The following TMEM135 variants were observed in gnomAD, a reference collection of about 807,000 sequenced individuals.
TMEM135 encodes peroxisomal membrane protein 52.
A neutral mutation model predicts 60.3 loss-of-function variants in TMEM135; 30 were observed. That is an observed-to-expected ratio of 0.50 (90% CI 0.37 to 0.68). TMEM135 has a LOEUF of 0.68. TMEM135 is among the 30% of genes least tolerant of loss of function. The pLI is 0.00. For synonymous variants in TMEM135, 190 were observed against 186.7 expected (o/e 1.02, Z -0.14); for missense variants, 468 against 548.8 (o/e 0.85, Z 1.47).
intron 4 of TMEM135, among the ~76,000 whole-genome samples, chr11:87,100,511 A>G (rs1417524812): frequency 6.6e-6 from 1 of 152,236 alleles, no homozygotes; most frequent in East Asian, 1.9e-4. Context: ...ACATCCAACA[A>G]TAAAATTTCT....
chr11:87,216,213 A>G (rs1940496791), intron 5 of TMEM135, among the ~76,000 whole-genome samples: 1 of 152,218 alleles, frequency 6.6e-6, no homozygotes, highest in Non-Finnish European at 1.5e-5. Flanking sequence ...GGGGGACTAC[A>G]GTCTTTTTGA....
At position 87,182,843 on chromosome 11, in the gene TMEM135, A is replaced by C. The variant is rs187128870; in HGVS notation, c.462+25437A>C. ...TTTTCTCTTGAATATTTACTGCTAA[A>C]TATTTTAAATGTGATTTTCTTTGTG... is the stretch of plus-strand genomic sequence containing the variant. On this transcript the variant is annotated intron_variant, in intron 5 of 14. Coordinates refer to ENST00000305494, the MANE Select transcript of TMEM135 (RefSeq NM_022918.4). Among the ~76,000 whole-genome samples, 282 of 152,188 alleles carry C rather than the reference A, an allele frequency of 1.9e-3. 4 individuals carry two copies. Among genetic ancestry groups the C allele is most frequent in the African/African-American group, 6.4e-3 (265 of 41,564 alleles).
intron 5 of TMEM135, among the ~76,000 whole-genome samples, chr11:87,222,217 C>A (rs1327882878): frequency 3.4e-5 from 5 of 145,020 alleles, no homozygotes; most frequent in South Asian, 2.2e-4. Context: ...TATTGCTGGT[C>A]CGGGCATGGT....
At chr11:87,099,642 C>T (rs1359506063) in intron 4 of TMEM135, among the ~76,000 whole-genome samples, 2 of 145,326 alleles carry the variant, frequency 1.4e-5, no homozygotes, top group Non-Finnish European at 3.0e-5. Context: ...CCCATTAGTG[C>T]AGTTGCTGGG....
At chr11:87,062,190 G>C (rs943603738) in intron 1 of TMEM135, among the ~76,000 whole-genome samples, 2 of 151,408 alleles carry the variant, frequency 1.3e-5, no homozygotes, top group African/African-American at 4.9e-5. Context: ...ATTTTTAGTA[G>C]AGATGGTATT....
At chr11:87,247,250 C>T (rs145520369) in intron 6 of TMEM135, among the ~76,000 whole-genome samples, 5,534 of 152,218 alleles carry the variant, frequency 0.036, 136 homozygotes, top group Non-Finnish European at 0.049. Flanking sequence ...TGTGAGGTGT[C>T]GGTCTGCCCC....
intron 4 of TMEM135, among the ~76,000 whole-genome samples, chr11:87,097,876 A>C (rs1663682293): frequency 6.6e-6 from 1 of 152,150 alleles, no homozygotes; most frequent in Non-Finnish European, 1.5e-5. Flanking sequence ...GTCACCCTTC[A>C]TGTAACTTAT....
chr11:87,206,339 A>G (rs913106015), intron 5 of TMEM135, among the ~76,000 whole-genome samples: 21 of 152,194 alleles, frequency 1.4e-4, no homozygotes, highest in African/African-American at 4.3e-4. Flanking sequence ...CATATATAAC[A>G]TGTTATAATT....
chr11:87,197,666 T>A (rs1333372812), intron 5 of TMEM135, among the ~76,000 whole-genome samples: 1 of 150,138 alleles, frequency 6.7e-6, no homozygotes, highest in Non-Finnish European at 1.5e-5. Flanking sequence ...AAAAAAAAAA[T>A]GTCACTTGAG....
intron 1 of TMEM135, among the ~76,000 whole-genome samples, chr11:87,064,669 G>A (rs939040285): frequency 6.6e-6 from 1 of 152,180 alleles, no homozygotes; most frequent in African/African-American, 2.4e-5. Flanking sequence ...GATCGCCTGA[G>A]ATCAGGAGTT....
chr11:87,119,806 A>G (rs997577461), intron 4 of TMEM135, among the ~76,000 whole-genome samples: 1 of 152,234 alleles, frequency 6.6e-6, no homozygotes, highest in African/African-American at 2.4e-5. Context: ...TGATTCAGAG[A>G]CAAAGTGAGC....
chr11:87,064,434 G>A (rs1406977943), intron 1 of TMEM135, among the ~76,000 whole-genome samples: 1 of 151,988 alleles, frequency 6.6e-6, no homozygotes, highest in East Asian at 1.9e-4. Flanking sequence ...CAAAAATACT[G>A]CCATTGATAC....
intron 6 of TMEM135, among the ~76,000 whole-genome samples, chr11:87,241,771 T>A (rs1941140216): frequency 6.6e-6 from 1 of 152,040 alleles, no homozygotes; most frequent in Non-Finnish European, 1.5e-5. Flanking sequence ...ATGTGATTTT[T>A]CTCTTTGTTT....
intron 1 of TMEM135, 31 bp downstream of exon 1, chr11:87,038,217 G>A: frequency 6.2e-7 from 1 of 1,610,712 alleles, no homozygotes; most frequent in Non-Finnish European, 8.5e-7. Flanking sequence ...CGCAGGGCGA[G>A]TTTAGTCTGG....
chr11:87,159,143 AGGT>A (rs1342114877), intron 5 of TMEM135, among the ~76,000 whole-genome samples: 3 of 152,196 alleles, frequency 2.0e-5, no homozygotes, highest in Admixed American at 2.0e-4. Context: ...ACTAATTATT[AGGT>A]GTTGTTCCAT....
chr11:87,305,710 G>C (rs901657887), intron 8 of TMEM135, among the ~76,000 whole-genome samples: 1 of 152,098 alleles, frequency 6.6e-6, no homozygotes, highest in African/African-American at 2.4e-5. Context: ...GGAGGCAGAG[G>C]TTGCAGTGAG....
intron 4 of TMEM135, among the ~76,000 whole-genome samples, chr11:87,112,370 C>T (rs1156255035): frequency 7.4e-6 from 1 of 135,298 alleles, no homozygotes; most frequent in Non-Finnish European, 1.6e-5. Context: ...CCTAAAAAAT[C>T]GCTCACTGTT....
At chr11:87,181,904 G>A (rs1939525001) in intron 5 of TMEM135, among the ~76,000 whole-genome samples, 1 of 151,096 alleles carries the variant, frequency 6.6e-6, no homozygotes, top group Non-Finnish European at 1.5e-5. Flanking sequence ...ATTGTAGTTT[G>A]TGTTTCTGTA....
At chr11:87,177,509 T>C (rs1295069829) in intron 5 of TMEM135, among the ~76,000 whole-genome samples, 2 of 152,204 alleles carry the variant, frequency 1.3e-5, no homozygotes, top group African/African-American at 2.4e-5. Context: ...CCATAAGTTA[T>C]ACTCACTGAA....
Sources: gnomAD v4.1 joint callset for allele counts (sites outside exome capture counted in the v4.1 genomes callset) on GRCh38, gnomAD v4.1.1 for gene constraint, MANE v1.5 for transcripts, NCBI Gene and HGNC (gene_info 2026-07-23, HGNC 2026-07-21) for gene names.